Variants in PDE4D observed in about 807,000 individuals in gnomAD.
PDE4D encodes 3',5'-cyclic-AMP phosphodiesterase 4D.
Under a neutral mutation model 87.4 loss-of-function variants are expected in PDE4D, and 24 were observed. The observed-to-expected ratio is 0.27, with a 90% CI of 0.20 to 0.39. PDE4D has a LOEUF of 0.39. Among genes scored for constraint, PDE4D ranks in the 10% least tolerant of loss-of-function variants. The probability of loss-of-function intolerance (pLI) is 1.00; values close to 1 mark genes in which losing one functional copy is unlikely to be tolerated. For synonymous variants in PDE4D, 384 were observed against 383.2 expected (o/e 1.00, Z -0.02); for missense variants, 714 against 1,041.0 (o/e 0.69, Z 4.32).
At chr5:60,481,379 TATAA>T (rs1748718106) in intron 1 of PDE4D, among the ~76,000 whole-genome samples, 1 of 152,114 alleles carries the variant, frequency 6.6e-6, no homozygotes, top group African/African-American at 2.4e-5. Context: ...TTATTTGTGA[TATAA>T]ATACTTTTGT....
intron 1 of PDE4D, among the ~76,000 whole-genome samples, chr5:59,830,442 T>G (rs1741011614): frequency 6.6e-6 from 1 of 152,014 alleles, no homozygotes; most frequent in Non-Finnish European, 1.5e-5. Context: ...CATGGAAAAA[T>G]AAATTTATTC....
chr5:60,398,088 C>CT (rs1763008875), intron 1 of PDE4D, among the ~76,000 whole-genome samples: 1 of 152,094 alleles, frequency 6.6e-6, no homozygotes, highest in Admixed American at 6.5e-5. Flanking sequence ...AAATGCCATT[C>CT]TTTTTTGTTT....
At chr5:59,662,545 T>C (rs958277427) in intron 1 of PDE4D, among the ~76,000 whole-genome samples, 2 of 152,222 alleles carry the variant, frequency 1.3e-5, no homozygotes, top group Admixed American at 1.3e-4. Flanking sequence ...AAATGAAATC[T>C]CATGAGAATT....
chr5:59,106,599 A>G (rs1771618397), intron 5 of PDE4D, among the ~76,000 whole-genome samples: 2 of 152,160 alleles, frequency 1.3e-5, no homozygotes, highest in Non-Finnish European at 2.9e-5. Flanking sequence ...TGCCTCTGCT[A>G]AAAATGCAAA....
intron 1 of PDE4D, among the ~76,000 whole-genome samples, chr5:60,213,725 A>G (rs893500499): frequency 6.6e-6 from 1 of 152,028 alleles, no homozygotes; most frequent in Non-Finnish European, 1.5e-5. Flanking sequence ...ACACCTTTAC[A>G]CAATGACAAG....
chr5:59,764,989 CTAAAA>C (rs945621362), intron 1 of PDE4D, among the ~76,000 whole-genome samples: 2 of 152,066 alleles, frequency 1.3e-5, no homozygotes, highest in Non-Finnish European at 2.9e-5. Flanking sequence ...CATGAGAACA[CTAAAA>C]TATTGATTAA....
intron 1 of PDE4D, among the ~76,000 whole-genome samples, chr5:59,302,785 T>G (rs1371491838): frequency 6.6e-6 from 1 of 152,230 alleles, no homozygotes; most frequent in Non-Finnish European, 1.5e-5. Flanking sequence ...ACTTATTGAC[T>G]GATGGACATT....
intron 1 of PDE4D, among the ~76,000 whole-genome samples, chr5:59,704,278 A>G (rs1753051435): frequency 6.6e-6 from 1 of 152,196 alleles, no homozygotes; most frequent in Admixed American, 6.6e-5. Context: ...GAGGACTCTC[A>G]TCTCCCCAAA....
chr5:59,930,025 C>T (rs1755719643), intron 3 of PDE4D, among the ~76,000 whole-genome samples: 1 of 151,924 alleles, frequency 6.6e-6, no homozygotes, highest in Non-Finnish European at 1.5e-5. Context: ...GATTAAAAAT[C>T]GGCCCCATCG....
intron 1 of PDE4D, among the ~76,000 whole-genome samples, chr5:59,282,643 CA>C (rs60262509): frequency 0.27 from 10,762 of 39,146 alleles, 118 homozygotes; most frequent in Admixed American, 0.31. Context: ...AACTCCAGCT[CA>C]AAAAAAAAAA....
At chr5:60,310,386 T>C (rs557237805) in intron 1 of PDE4D, among the ~76,000 whole-genome samples, 1 of 152,226 alleles carries the variant, frequency 6.6e-6, no homozygotes, top group South Asian at 2.1e-4. Context: ...AATAAATATA[T>C]GAATAATAGT....
chr5:60,465,763 T>C (rs1453678599), intron 1 of PDE4D, among the ~76,000 whole-genome samples: 1 of 152,052 alleles, frequency 6.6e-6, no homozygotes, highest in Non-Finnish European at 1.5e-5. Context: ...TAGCCTAGCC[T>C]ACCTAAACAT....
intron 1 of PDE4D, chr5:59,276,098 A>G: frequency 1.0e-6 from 1 of 982,724 alleles, no homozygotes; most frequent in Non-Finnish European, 1.2e-6. Context: ...AGGCAGTTCA[A>G]AACACCGCAG....
intron 1 of PDE4D, among the ~76,000 whole-genome samples, chr5:59,795,262 T>C (rs1766328191): frequency 6.6e-6 from 1 of 152,314 alleles, no homozygotes; most frequent in Non-Finnish European, 1.5e-5. Context: ...ACACCTGTCA[T>C]GTAAGAGGCT....
intron 1 of PDE4D, among the ~76,000 whole-genome samples, chr5:59,529,934 G>A (rs572290049): frequency 2.0e-5 from 3 of 152,252 alleles, no homozygotes; most frequent in East Asian, 1.9e-4. Context: ...GTTTCCTAAG[G>A]AGGGCCCCGG....
chr5:58,974,789 A>G lies in PDE4D; in HGVS notation c.2305T>C (p.Cys769Arg), dbSNP rs1058458. 6.2e-7 allele frequency: 1 copy of G among 1,613,708 alleles called. No individual in the cohort carries two copies. Among genetic ancestry groups the G allele is most frequent in the Non-Finnish European group, 8.5e-7 (1 of 1,179,670 alleles). Residue 769 changes from cysteine to arginine, a missense_variant, in exon 15 of 15, where the codon TGT becomes CGT. This residue lies in a region of PDE4D where 90 missense variants were observed against 95.3 expected (regional missense o/e 0.94). Coordinates refer to ENST00000340635, the MANE Select transcript of PDE4D (RefSeq NM_001104631.2). ...DTSCSDSKTL[C>R]TQDSESTEIP... is the part of the protein sequence containing the mutation. ...TCAGTAGACTCTGAGTCTTGAGTAC[A>G]AAGAGTCTTGGAGTCACTGCAGCTA...
intron 2 of PDE4D, among the ~76,000 whole-genome samples, chr5:60,051,635 A>T (rs1332429640): frequency 6.6e-6 from 1 of 152,204 alleles, no homozygotes; most frequent in Non-Finnish European, 1.5e-5. Flanking sequence ...GAACTAAAGA[A>T]GCAAGAGCAA....
chr5:59,894,027 G>C (rs1333239210), upstream of PDE4D, among the ~76,000 whole-genome samples: 2 of 152,184 alleles, frequency 1.3e-5, no homozygotes, highest in Non-Finnish European at 1.5e-5. Context: ...GGCGGCGGCG[G>C]CAGTGGTAGC....
At chr5:59,421,172 G>A (rs1794430816) in intron 1 of PDE4D, among the ~76,000 whole-genome samples, 2 of 152,070 alleles carry the variant, frequency 1.3e-5, no homozygotes, top group South Asian at 2.1e-4. Flanking sequence ...AATTTTGAAC[G>A]TTTTCATCAT....
Sources: gnomAD v4.1 joint callset for allele counts (sites outside exome capture counted in the v4.1 genomes callset) on GRCh38, gnomAD v4.1.1 for gene constraint, gnomAD v4.1.1 regional missense constraint, MANE v1.5 for transcripts, NCBI Gene and HGNC (gene_info 2026-07-23, HGNC 2026-07-21) for gene names.